CCDC171: variants seen among roughly 807,000 people sequenced by gnomAD.
The protein encoded by CCDC171 is coiled-coil domain containing 171, also known as coiled-coil domain-containing protein 171.
A neutral mutation model predicts 168.2 loss-of-function variants in CCDC171; 177 were observed. That is an observed-to-expected ratio of 1.05 (90% CI 0.93 to 1.19). The LOEUF (loss-of-function observed/expected upper bound fraction) is 1.19, where lower values mean the gene tolerates loss of function less well. CCDC171 is among the 50% of genes most tolerant of loss of function. The pLI is 0.00. For missense variants in CCDC171, 1,991 were observed against 1,539.0 expected, an observed-to-expected ratio of 1.29 and a Z score of -4.91; for synonymous variants, 687 against 540.8, an observed-to-expected ratio of 1.27 and a Z score of -3.75.
chr9:15,766,720 A>G (rs190147842), intron 18 of CCDC171, among the ~76,000 whole-genome samples: 10 of 150,930 alleles, frequency 6.6e-5, no homozygotes, highest in East Asian at 2.0e-4. Flanking sequence ...CAGTGGTGCA[A>G]TCATAGCTCA....
Position 15,899,465 on chromosome 9 carries a change from G to A in CCDC171, c.3601-20805G>A, listed in dbSNP as rs2794635. 1.6e-3 allele frequency among the ~76,000 whole-genome samples: 248 copies of A among 152,208 alleles called. No individual in the cohort carries two copies. In the Middle Eastern group the frequency reaches 0.017, roughly 10 times the overall value. ...TCATTCTCACTATGAATCTTTAAGA[G>A]ATCCAGTTTCTCTGCTTCCTCGCCA... On this transcript the variant is annotated intron_variant, in intron 24 of 25. Transcript: ENST00000380701.
intron 3 of CCDC171, among the ~76,000 whole-genome samples, chr9:15,573,006 A>G (rs997844204): frequency 3.3e-5 from 5 of 152,152 alleles, no homozygotes; most frequent in Non-Finnish European, 7.3e-5. Flanking sequence ...TAAAAATACA[A>G]AAATCAGCTG....
chr9:15,950,662 C>G (rs1422658782), intron 25 of CCDC171, among the ~76,000 whole-genome samples: 1 of 151,982 alleles, frequency 6.6e-6, no homozygotes, highest in Admixed American at 6.6e-5. Flanking sequence ...CCAGCCGCTG[C>G]AAAATCATGC....
At position 15,777,759 on chromosome 9, in the gene CCDC171, C is replaced by A. The variant is rs771505107; in HGVS notation, c.2831C>A (p.Ala944Asp). ...VEKDSLVQRL[A>D]HGLHKVNTLA... ...AAAGATTCCCTGGTTCAGAGGCTGG[C>A]CCATGGACTTCATAAAGTAAACACA... The change falls in exon 19 of 26, where the codon GCC becomes GAC. Residue 944 changes from alanine to aspartate, a missense_variant. Physicochemically the swap from Ala to Asp is moderately radical, Grantham distance 126. Coordinates refer to ENST00000380701, the MANE Select transcript of CCDC171 (RefSeq NM_173550.4). 1 of 1,613,894 alleles carries A rather than the reference C, an allele frequency of 6.2e-7. No homozygotes were observed. Among genetic ancestry groups the A allele is most frequent in the South Asian group, 1.1e-5 (1 of 91,016 alleles).
intron 24 of CCDC171, among the ~76,000 whole-genome samples, chr9:15,911,913 GT>G (rs747570803): frequency 5.9e-5 from 9 of 152,170 alleles, no homozygotes; most frequent in Non-Finnish European, 1.0e-4. Context: ...CTACATACCT[GT>G]TTTGGTACCA....
chr9:15,996,417 CTTTTTTTTTTTT>C (rs34798326), intron 3 of CCDC171, among the ~76,000 whole-genome samples: 1 of 64,596 alleles, frequency 1.5e-5, no homozygotes, highest in Admixed American at 2.1e-4. Flanking sequence ...CTAGGAGGCT[CTTTTTTTTTTTT>C]TTTTTTTTTT....
chr9:15,808,281 G>A (rs942771039), intron 21 of CCDC171, among the ~76,000 whole-genome samples: 1 of 152,158 alleles, frequency 6.6e-6, no homozygotes, highest in Non-Finnish European at 1.5e-5. Context: ...AAATACAAAT[G>A]GAGGGATGTT....
intron 24 of CCDC171, among the ~76,000 whole-genome samples, chr9:15,892,908 C>T (rs1215266890): frequency 6.6e-6 from 1 of 152,148 alleles, no homozygotes; most frequent in Non-Finnish European, 1.5e-5. Context: ...CTACCATTGA[C>T]ATTCTTCACA....
chr9:15,756,498 A>G (rs1041988025), intron 18 of CCDC171, among the ~76,000 whole-genome samples: 9 of 152,144 alleles, frequency 5.9e-5, no homozygotes, highest in East Asian at 3.9e-4. Context: ...TAGTGAGCAT[A>G]GTACCCAGTA....
At chr9:15,880,952 T>G (rs1588974094) in intron 24 of CCDC171, among the ~76,000 whole-genome samples, 1 of 152,198 alleles carries the variant, frequency 6.6e-6, no homozygotes, top group African/African-American at 2.4e-5. Flanking sequence ...CATCTGAGAA[T>G]AAACGAATTT....
chr9:15,829,232 G>A (rs191688945), intron 21 of CCDC171, among the ~76,000 whole-genome samples: 1 of 152,250 alleles, frequency 6.6e-6, no homozygotes, highest in Non-Finnish European at 1.5e-5. Context: ...CAATCTATTG[G>A]CTCTTTTATT....
chr9:15,569,969 T>TTTCTCTTTTTC (rs1554681055), intron 2 of CCDC171, among the ~76,000 whole-genome samples: 72 of 152,078 alleles, frequency 4.7e-4, no homozygotes, highest in Admixed American at 1.8e-3. Flanking sequence ...ATTACTTTTC[T>TTTCTCTTTTTC]TTTTCTTTTC....
At chr9:15,646,305 A>G (rs2047031757) in intron 7 of CCDC171, among the ~76,000 whole-genome samples, 1 of 152,232 alleles carries the variant, frequency 6.6e-6, no homozygotes, top group Non-Finnish European at 1.5e-5. Flanking sequence ...GCCAAATTGT[A>G]AAGACCATCC....
At position 15,623,680 on chromosome 9, in the gene CCDC171, A is replaced by C. The variant is rs1226678723; in HGVS notation, c.822+267A>C. Reference sequence around the variant, plus strand: ...AAATCTGTTCACTTTTGAACAATTAACTCTCATGGAATATTTGGGAAGTTT... The same window carrying C: ...AAATCTGTTCACTTTTGAACAATTACCTCTCATGGAATATTTGGGAAGTTT... On this transcript the variant is annotated intron_variant, in intron 7 of 25. Coordinates refer to ENST00000380701, the MANE Select transcript of CCDC171 (RefSeq NM_173550.4). Among the ~76,000 whole-genome samples, 3 of 152,260 alleles carry C rather than the reference A, an allele frequency of 2.0e-5. No homozygotes were observed. The East Asian group carries it at 5.8e-4, about 29-fold the overall frequency.
chr9:15,737,883 C>G (rs888192451), intron 16 of CCDC171, among the ~76,000 whole-genome samples: 1 of 152,104 alleles, frequency 6.6e-6, no homozygotes, highest in African/African-American at 2.4e-5. Context: ...TTGAAAATGG[C>G]TGCACTATTT....
chr9:15,754,675 G>A (rs569522770), intron 18 of CCDC171, among the ~76,000 whole-genome samples: 6 of 152,234 alleles, frequency 3.9e-5, no homozygotes, highest in African/African-American at 1.4e-4. Context: ...GACACTAGCT[G>A]TGTGACCTTG....
chr9:15,706,216 T>TCTTCCTTCCTTCCTTC (rs148383501), intron 11 of CCDC171, among the ~76,000 whole-genome samples: 1 of 149,430 alleles, frequency 6.7e-6, no homozygotes, highest in African/African-American at 2.5e-5. Flanking sequence ...ACCCATGTAG[T>TCTTCCTTCCTTCCTTC]CTTCCTTCCT....
chr9:15,790,364 T>C lies in CCDC171; in HGVS notation c.3267+5670T>C, dbSNP rs182848003. On this transcript the variant is annotated intron_variant, in intron 21 of 25. Coordinates refer to ENST00000380701, the MANE Select transcript of CCDC171 (RefSeq NM_173550.4). ...ATGGCCAGTGATGATGAGCATTTTT[T>C]CATGTGTCTGTTGGCTGCATAAATG... Among the ~76,000 whole-genome samples, 269 of 152,360 alleles carry C rather than the reference T, an allele frequency of 1.8e-3. 2 individuals are homozygous for C. Among genetic ancestry groups the C allele is most frequent in the African/African-American group, 6.1e-3 (252 of 41,588 alleles).
chr9:16,077,314 C>A, the CCDC171 span, among the ~76,000 whole-genome samples: 1 of 152,120 alleles, frequency 6.6e-6, no homozygotes, highest in Admixed American at 6.5e-5. Flanking sequence ...AAGAATGGGG[C>A]CCTCGCCTTA....
Sources: allele counts gnomAD v4.1 joint callset (sites outside exome capture counted in the v4.1 genomes callset), GRCh38; gene constraint gnomAD v4.1.1; transcripts MANE v1.5; gene names NCBI Gene and HGNC (gene_info 2026-07-23, HGNC 2026-07-21).